The following CSMD3 variants were observed in gnomAD, a reference collection of about 807,000 sequenced individuals.
CSMD3 encodes CUB and Sushi multiple domains 3, also known as CUB and sushi domain-containing protein 3.
In CSMD3, 177 loss-of-function variants were observed where a neutral mutation model predicts 435.2. The observed-to-expected ratio is 0.41, with a 90% CI of 0.36 to 0.46. The LOEUF (loss-of-function observed/expected upper bound fraction) is 0.46. CSMD3 is among the 20% of genes least tolerant of loss of function. The pLI, the probability that CSMD3 is intolerant of heterozygous loss-of-function variation, is 0.34. For synonymous variants in CSMD3, 1,656 were observed against 1,520.5 expected (o/e 1.09, Z -2.07); for missense variants, 4,265 against 4,504.6 (o/e 0.95, Z 1.52).
intron 1 of CSMD3, among the ~76,000 whole-genome samples, chr8:113,365,250 A>G (rs535414838): frequency 4.6e-5 from 7 of 152,260 alleles, no homozygotes; most frequent in African/African-American, 1.7e-4. Context: ...CTAAACTGCT[A>G]TTAAGGATTC....
At chr8:112,939,186 G>A (rs1030213825) in intron 9 of CSMD3, among the ~76,000 whole-genome samples, 17 of 152,200 alleles carry the variant, frequency 1.1e-4, no homozygotes, top group Admixed American at 5.9e-4. Flanking sequence ...CTTTTGTGCA[G>A]TTGGGAAGTT....
chr8:112,596,558 T>A (rs1054352314), intron 22 of CSMD3, among the ~76,000 whole-genome samples: 25 of 152,158 alleles, frequency 1.6e-4, no homozygotes, highest in African/African-American at 6.0e-4. Flanking sequence ...ATCAACAGAA[T>A]ACACATTTTT....
intron 27 of CSMD3, among the ~76,000 whole-genome samples, chr8:112,538,381 G>T (rs1232054466): frequency 6.6e-6 from 1 of 151,884 alleles, no homozygotes; most frequent in Non-Finnish European, 1.5e-5. Context: ...GAAACAAAAA[G>T]GCATCGAAAT....
intron 23 of CSMD3, among the ~76,000 whole-genome samples, chr8:112,579,632 T>G (rs1483320418): frequency 6.6e-6 from 1 of 152,014 alleles, no homozygotes; most frequent in Non-Finnish European, 1.5e-5. Context: ...CTGGCTATGT[T>G]CAACAATCAG....
In CSMD3 at chr8:112,787,213, T is replaced by C. The variant is rs373018051; in HGVS notation, c.1972+12949A>G. Reference sequence around the variant, plus strand: ...AAACATATGTGTGCATGTGTCTTTATAGTAGAATGATTTATATTCCTTTTA... The same window carrying C: ...AAACATATGTGTGCATGTGTCTTTACAGTAGAATGATTTATATTCCTTTTA... On this transcript the variant is annotated intron_variant, in intron 13 of 70. Coordinates refer to ENST00000297405, the MANE Select transcript of CSMD3 (RefSeq NM_198123.2). Among the ~76,000 whole-genome samples the C allele has an allele frequency of 5.9e-5, 9 of 152,256 alleles. No individual in the cohort carries two copies. In the South Asian group the frequency reaches 8.3e-4, roughly 14 times the overall value.
At chr8:112,531,440 G>T (rs1195992153) in intron 27 of CSMD3, among the ~76,000 whole-genome samples, 1 of 152,090 alleles carries the variant, frequency 6.6e-6, no homozygotes, top group South Asian at 2.1e-4. Context: ...CAGGCTTTGG[G>T]TGCCAGTTAC....
intron 4 of CSMD3, among the ~76,000 whole-genome samples, chr8:113,153,795 C>T (rs575648293): frequency 3.3e-5 from 5 of 152,026 alleles, no homozygotes; most frequent in Non-Finnish European, 7.4e-5. Context: ...TGACTTTCTC[C>T]TCTACACACG....
intron 22 of CSMD3, among the ~76,000 whole-genome samples, chr8:112,605,790 A>G (rs1832746699): frequency 6.6e-6 from 1 of 152,104 alleles, no homozygotes; most frequent in African/African-American, 2.4e-5. Context: ...CTAAAATAAA[A>G]CTTGGAAAAA....
chr8:112,771,558 G>T (rs78945824), intron 13 of CSMD3, among the ~76,000 whole-genome samples: 1 of 151,170 alleles, frequency 6.6e-6, no homozygotes, highest in African/African-American at 2.4e-5. Context: ...AAAAGAAAAA[G>T]AAAAAAAAGT....
chr8:112,920,019 ACAGAAAAATG>A (rs2082688124), intron 10 of CSMD3, among the ~76,000 whole-genome samples: 1 of 151,902 alleles, frequency 6.6e-6, no homozygotes, highest in Non-Finnish European at 1.5e-5. Flanking sequence ...GTACAGAGAC[ACAGAAAAATG>A]CAGAAACACC....
At chr8:112,620,273 T>C (rs1465937554) in intron 22 of CSMD3, among the ~76,000 whole-genome samples, 2 of 152,290 alleles carry the variant, frequency 1.3e-5, no homozygotes, top group African/African-American at 4.8e-5. Flanking sequence ...GGGGAAATTT[T>C]TGGAAATTTC....
chr8:112,977,127 A>C (rs1291390813), intron 6 of CSMD3, among the ~76,000 whole-genome samples: 1 of 152,016 alleles, frequency 6.6e-6, no homozygotes, highest in Non-Finnish European at 1.5e-5. Flanking sequence ...TACTTATATA[A>C]TGAAAAAAGT....
At chr8:113,209,584 A>G (rs1238027340) in intron 3 of CSMD3, among the ~76,000 whole-genome samples, 1 of 152,164 alleles carries the variant, frequency 6.6e-6, no homozygotes, top group Non-Finnish European at 1.5e-5. Flanking sequence ...AAGTAACTCT[A>G]AATTAATCTG....
At chr8:112,608,618 G>A (rs745724794) in intron 22 of CSMD3, among the ~76,000 whole-genome samples, 5 of 151,108 alleles carry the variant, frequency 3.3e-5, no homozygotes, top group East Asian at 1.9e-4. Context: ...ACACACACAC[G>A]TATGTGTTTT....
intron 66 of CSMD3, among the ~76,000 whole-genome samples, chr8:112,238,657 A>C (rs1407799522): frequency 1.3e-5 from 2 of 148,484 alleles, no homozygotes; most frequent in African/African-American, 4.9e-5. Flanking sequence ...ATTTTTATAA[A>C]TAATTTTACT....
chr8:113,023,504 C>G (rs2086761230), intron 5 of CSMD3, among the ~76,000 whole-genome samples: 1 of 152,000 alleles, frequency 6.6e-6, no homozygotes, highest in Non-Finnish European at 1.5e-5. Context: ...AAGATGTATC[C>G]ATCATGAATC....
intron 32 of CSMD3, among the ~76,000 whole-genome samples, chr8:112,410,686 ATGTATATATATATG>A (rs1563913527): frequency 9.3e-6 from 1 of 108,036 alleles, no homozygotes; most frequent in African/African-American, 3.1e-5. Context: ...GTATATATAT[ATGTATATATATATG>A]TGTATATATA....
intron 32 of CSMD3, among the ~76,000 whole-genome samples, chr8:112,440,387 C>G (rs1250609233): frequency 6.6e-6 from 1 of 152,094 alleles, no homozygotes; most frequent in Non-Finnish European, 1.5e-5. Flanking sequence ...TATAGCCACC[C>G]CTCCTGGCTG....
chr8:112,576,087 A>G (rs1563723402), intron 23 of CSMD3, among the ~76,000 whole-genome samples: 1 of 152,056 alleles, frequency 6.6e-6, no homozygotes, highest in African/African-American at 2.4e-5. Context: ...GGATAAAACT[A>G]TTTCTCTATT....
Sources: allele counts gnomAD v4.1 joint callset (sites outside exome capture counted in the v4.1 genomes callset), GRCh38; gene constraint gnomAD v4.1.1; transcripts MANE v1.5; gene names NCBI Gene and HGNC (gene_info 2026-07-23, HGNC 2026-07-21).